Variants in MPP4 observed in about 807,000 individuals in gnomAD.
The protein encoded by MPP4 is MAGUK p55 subfamily member 4.
Under a neutral mutation model 98.3 loss-of-function variants are expected in MPP4, and 91 were observed. The observed-to-expected ratio is 0.93, with a 90% CI of 0.78 to 1.10. The LOEUF is 1.10. Ranked by LOEUF, MPP4 falls within the 50% of genes least tolerant of loss-of-function variation. MPP4 has a pLI of 0.00. For missense variants in MPP4, 744 were observed against 792.9 expected, an observed-to-expected ratio of 0.94 and a Z score of 0.74; for synonymous variants, 261 against 271.8, an observed-to-expected ratio of 0.96 and a Z score of 0.39.
At chr2:201,673,583 A>AG in intron 11 of MPP4, 1 of 201,554 alleles carries the variant, frequency 5.0e-6, no homozygotes, top group Non-Finnish European at 1.0e-5. Context: ...AAAAGAAAAA[A>AG]AAAGATGTTA....
At chr2:201,664,409 G>A in intron 13 of MPP4, 2 of 1,186,210 alleles carry the variant, frequency 1.7e-6, no homozygotes, top group Admixed American at 2.5e-5. Context: ...AGGGGAAAGT[G>A]GAATGTCAGG....
chr2:201,694,608 CTTTTTTTTTTT>C (rs777556505), intron 1 of MPP4, among the ~76,000 whole-genome samples: 4 of 78,870 alleles, frequency 5.1e-5, no homozygotes, highest in Non-Finnish European at 8.7e-5. Flanking sequence ...TTCTTTTTCC[CTTTTTTTTTTT>C]TTTTTTTTTT....
rs1574616920 is a variant in MPP4, at chr2:201,669,670, A to C, written c.1012+63T>G. On this transcript the variant is annotated intron_variant, in intron 12 of 21. Coordinates refer to ENST00000409474, the MANE Select transcript of MPP4 (RefSeq NM_033066.3). ...GAACTGAATTAAAGTGAATTCTTTA[A>C]ACTACAAGAAATTTCTAAAAGACTT... 8.1e-6 allele frequency: 10 copies of C among 1,229,392 alleles called. No individual in the cohort carries two copies. In the East Asian group the frequency reaches 2.8e-4, roughly 34 times the overall value. 76.2% of individuals were successfully genotyped at this position (1,229,392 alleles called of 1,614,324 possible). A position where few individuals can be genotyped will look rare whatever the true frequency, so the allele number is the denominator to read the frequency against.
intron 1 of MPP4, 70 bp from the exon 2 acceptor site, chr2:201,694,124 A>G: frequency 2.1e-6 from 3 of 1,427,840 alleles, no homozygotes; most frequent in Non-Finnish European, 2.8e-6. Context: ...ATACACATCA[A>G]ATGAAACACA....
At chr2:201,651,503 G>C (rs1687711221) in intron 18 of MPP4, 4 of 985,404 alleles carry the variant, frequency 4.1e-6, no homozygotes, top group Non-Finnish European at 4.8e-6. Context: ...GTGAATTGAT[G>C]TATAACTCGA....
intron 9 of MPP4, 85 bp from the exon 10 acceptor site, chr2:201,681,119 A>G (rs879867624): frequency 7.2e-7 from 1 of 1,381,122 alleles, no homozygotes; most frequent in Admixed American, 2.1e-5. Flanking sequence ...ATCATGACTT[A>G]AAACCATTTC....
At chr2:201,676,475 C>T (rs1688508871) in intron 10 of MPP4, among the ~76,000 whole-genome samples, 1 of 152,206 alleles carries the variant, frequency 6.6e-6, no homozygotes, top group Admixed American at 6.5e-5. Flanking sequence ...GGGCTCAGCG[C>T]ATTTGGCATC....
rs71025250 is a variant in MPP4 at position 201,684,961 on chromosome 2, GAA to G, written c.574+101_574+102del. Reference sequence around the variant, plus strand: ...AGACTCCATCTCAAAAAAAAAAAAAGAAAAAAAAAAAGAAAAAAAAGGGATTT... The same window carrying G: ...AGACTCCATCTCAAAAAAAAAAAAAGAAAAAAAAAGAAAAAAAAGGGATTT... On this transcript the variant is annotated intron_variant, in intron 7 of 21. Transcript: ENST00000409474. 3,113 of 658,392 alleles carry G rather than the reference GAA, an allele frequency of 4.7e-3. 10 individuals carry two copies. The highest frequency in any genetic ancestry group is 5.4e-3 in the Non-Finnish European group (2,430 of 446,328). 40.8% of individuals were successfully genotyped at this position (658,392 alleles called of 1,614,324 possible).
chr2:201,692,873 A>G, intron 3 of MPP4, 35 bp downstream of exon 3: 1 of 1,597,934 alleles, frequency 6.3e-7, no homozygotes, highest in Middle Eastern at 1.7e-4. Flanking sequence ...CAACCCCTTC[A>G]GCAAGCAAAG....
At chr2:201,649,328 G>T (rs577659740) in intron 20 of MPP4, among the ~76,000 whole-genome samples, 3 of 152,274 alleles carry the variant, frequency 2.0e-5, no homozygotes, top group African/African-American at 7.2e-5. Context: ...AAGCAAGAAA[G>T]ATTCTTGCTT....
intron 8 of MPP4, among the ~76,000 whole-genome samples, chr2:201,682,142 T>C (rs7568604): frequency 0.027 from 4,149 of 152,234 alleles, 177 homozygotes; most frequent in African/African-American, 0.095. Flanking sequence ...CCGTTTGTAC[T>C]CAGGAATTTC....
At position 201,687,302 on chromosome 2, in the gene MPP4, G is replaced by A. The variant is rs372143635; in HGVS notation, c.349C>T (p.Pro117Ser). Residue 117 changes from proline (P) to serine (S), a missense_variant, in exon 5 of 22, where the codon CCA becomes TCA. Transcript: ENST00000409474. ...IQELRQMLQA[P>S]HFKALLSAHD... is the part of the protein sequence containing the mutation. ...TAGCAGGCACTTGCCTTGAAGTGTG[G>A]AGCCTGGAGCATTTGTCTCAGCTCT... 14 of 1,576,280 alleles carry A rather than the reference G, an allele frequency of 8.9e-6. No individual in the cohort carries two copies. In the African/African-American group the frequency reaches 9.4e-5, roughly 11 times the overall value.
Position 201,680,937 on chromosome 2 carries a change from T to C in MPP4, c.830A>G (p.Gln277Arg). 6.2e-7 allele frequency: 1 copy of C among 1,613,872 alleles called. No individual in the cohort carries two copies. Among genetic ancestry groups the C allele is most frequent in the Non-Finnish European group, 8.5e-7 (1 of 1,179,864 alleles). The part of the protein sequence containing the change: ...GLPFQKGDIL[Q>R]IVDQNDALWW... ...GAGGGCATCATTCTGGTCCACAATC[T>C]GGAGGATGTCCCCCTTCTGGAAAGG... The change falls in exon 10 of 22, where the codon CAG becomes CGG. Residue 277 changes from glutamine (Q) to arginine (R), a missense_variant. Physicochemically the swap from Gln to Arg is conservative, Grantham distance 43. Transcript: ENST00000409474.
At chr2:201,671,189 A>G (rs1425958477) in intron 11 of MPP4, among the ~76,000 whole-genome samples, 1 of 152,018 alleles carries the variant, frequency 6.6e-6, no homozygotes, top group Non-Finnish European at 1.5e-5. Context: ...TTCATACCCC[A>G]GTGGCGCCTG....
At chr2:201,695,744 A>G (rs1689160506) in intron 1 of MPP4, among the ~76,000 whole-genome samples, 1 of 152,124 alleles carries the variant, frequency 6.6e-6, no homozygotes, top group Non-Finnish European at 1.5e-5. Context: ...CTTCCCAGAG[A>G]GCATTATTTC....
intron 4 of MPP4, among the ~76,000 whole-genome samples, chr2:201,689,466 G>A (rs561671030): frequency 1.6e-4 from 24 of 152,304 alleles, no homozygotes; most frequent in Non-Finnish European, 2.5e-4. Flanking sequence ...CGTGTTGAGA[G>A]TAGACTGTAG....
intron 1 of MPP4, among the ~76,000 whole-genome samples, chr2:201,696,165 T>C (rs1689175019): frequency 6.6e-6 from 1 of 152,226 alleles, no homozygotes; most frequent in Admixed American, 6.5e-5. Flanking sequence ...CACCCTGAAG[T>C]CTTCCGGTTT....
At chr2:201,685,327 A>G (rs1688795536) in intron 6 of MPP4, among the ~76,000 whole-genome samples, 182 bp from the exon 7 acceptor site, 1 of 151,288 alleles carries the variant, frequency 6.6e-6, no homozygotes, top group African/African-American at 2.4e-5. Context: ...TGGTTTTTCA[A>G]ACAAGGCTAT....
At chr2:201,657,810 A>T (rs1267909732) in intron 16 of MPP4, among the ~76,000 whole-genome samples, 1 of 151,860 alleles carries the variant, frequency 6.6e-6, no homozygotes, top group African/African-American at 2.4e-5. Context: ...GCACCAGGCT[A>T]CCATTGTCCC....
Sources: gnomAD v4.1 joint callset for allele counts (sites outside exome capture counted in the v4.1 genomes callset) on GRCh38, gnomAD v4.1.1 for gene constraint, MANE v1.5 for transcripts, NCBI Gene and HGNC (gene_info 2026-07-23, HGNC 2026-07-21) for gene names.